Variants in FHIT observed in about 807,000 individuals in gnomAD.
The protein encoded by FHIT is fragile histidine triad diadenosine triphosphatase, also known as bis(5'-adenosyl)-triphosphatase.
Under a neutral mutation model 17.9 loss-of-function variants are expected in FHIT, and 19 were observed. The observed-to-expected ratio is 1.06, with a 90% CI of 0.74 to 1.56. The LOEUF is 1.56. FHIT is among the 40% of genes most tolerant of loss of function. The pLI is 0.00. For synonymous variants in FHIT, 81 were observed against 69.7 expected (o/e 1.16, Z -0.81); for missense variants, 248 against 189.2 (o/e 1.31, Z -1.82).
intron 5 of FHIT, among the ~76,000 whole-genome samples, chr3:60,480,911 C>T (rs1212526955): frequency 6.6e-6 from 1 of 152,236 alleles, no homozygotes; most frequent in Non-Finnish European, 1.5e-5. Flanking sequence ...TGGCCCTCTT[C>T]TCACAGCTCC....
chr3:59,982,274 AGAAG>A (rs1559519079), intron 7 of FHIT, among the ~76,000 whole-genome samples: 21 of 152,286 alleles, frequency 1.4e-4, no homozygotes, highest in African/African-American at 5.1e-4. Flanking sequence ...AAGTGGAAAA[AGAAG>A]GTATGAAAAT....
intron 5 of FHIT, among the ~76,000 whole-genome samples, chr3:60,495,679 A>G (rs1327386827): frequency 6.6e-6 from 1 of 152,190 alleles, no homozygotes; most frequent in African/African-American, 2.4e-5. Context: ...ATTCAATGCC[A>G]TTCCTTTAAA....
At chr3:60,924,685 G>T (rs530310605) in intron 3 of FHIT, among the ~76,000 whole-genome samples, 1 of 152,308 alleles carries the variant, frequency 6.6e-6, no homozygotes, top group South Asian at 2.1e-4. Flanking sequence ...CTCCTCACAA[G>T]CAACGGAACA....
At chr3:60,394,528 C>T (rs899304586) in intron 5 of FHIT, among the ~76,000 whole-genome samples, 9 of 152,102 alleles carry the variant, frequency 5.9e-5, no homozygotes, top group African/African-American at 1.9e-4. Flanking sequence ...GATGAAGCGG[C>T]AGTGGAGAGC....
chr3:61,244,489 C>A (rs931119211), intron 1 of FHIT, among the ~76,000 whole-genome samples: 3 of 152,116 alleles, frequency 2.0e-5, no homozygotes, highest in African/African-American at 7.2e-5. Flanking sequence ...GGGTTCAGGA[C>A]ATACTACCCT....
rs1491311135 is a variant in FHIT, at chr3:61,239,761, C to CTATATATA, written c.-213+11539_-213+11540insTATATATA. Among the ~76,000 whole-genome samples the CTATATATA allele has an allele frequency of 2.2e-3, 139 of 63,162 alleles. 5 individuals are homozygous for CTATATATA. In the East Asian group the frequency reaches 0.029, roughly 13 times the overall value. 41.4% of individuals were successfully genotyped at this position (63,162 alleles called of 152,430 possible). On this transcript the variant is annotated intron_variant, in intron 1 of 9. Transcript: ENST00000492590. The stretch of plus-strand genomic sequence containing the variant: ...TAAAACTGCAAAGAAAAACAACTGG[C>CTATATATA]CATATATATATATATATATATATAC...
intron 5 of FHIT, among the ~76,000 whole-genome samples, chr3:60,176,692 C>T (rs1701688697): frequency 1.3e-5 from 2 of 152,076 alleles, no homozygotes; most frequent in South Asian, 4.1e-4. Context: ...GAGAGTCAGG[C>T]CTTCCTAGGA....
chr3:60,168,246 G>C (rs1436353394), intron 5 of FHIT, among the ~76,000 whole-genome samples: 1 of 152,174 alleles, frequency 6.6e-6, no homozygotes, highest in African/African-American at 2.4e-5. Flanking sequence ...CATCCCTCCA[G>C]AGAGATATCT....
At chr3:59,839,948 T>C (rs1701470790) in intron 8 of FHIT, among the ~76,000 whole-genome samples, 1 of 152,224 alleles carries the variant, frequency 6.6e-6, no homozygotes, top group Admixed American at 6.5e-5. Context: ...CTCTTAAAGA[T>C]GACTTCTTTT....
chr3:60,108,634 C>A (rs973791968), intron 5 of FHIT, among the ~76,000 whole-genome samples: 28 of 151,212 alleles, frequency 1.9e-4, no homozygotes, highest in African/African-American at 6.8e-4. Flanking sequence ...CTTAGCATTT[C>A]TTGGCCTTTA....
intron 7 of FHIT, among the ~76,000 whole-genome samples, chr3:59,947,647 TG>T (rs577943037): frequency 1.1e-3 from 168 of 152,138 alleles, no homozygotes; most frequent in African/African-American, 3.8e-3. Context: ...GCTGCAACCC[TG>T]GGGGGGCTGG....
At chr3:60,706,078 A>G (rs2041364575) in intron 4 of FHIT, among the ~76,000 whole-genome samples, 1 of 152,140 alleles carries the variant, frequency 6.6e-6, no homozygotes, top group South Asian at 2.1e-4. Context: ...TATCATAATT[A>G]TAATAAGAGA....
chr3:61,006,192 A>G (rs1030221472), intron 3 of FHIT, among the ~76,000 whole-genome samples: 2 of 152,234 alleles, frequency 1.3e-5, no homozygotes, highest in Non-Finnish European at 2.9e-5. Context: ...GGTTAATGGT[A>G]TAATTTCAAT....
chr3:60,526,330 C>A (rs949100732), intron 5 of FHIT, among the ~76,000 whole-genome samples: 1 of 152,066 alleles, frequency 6.6e-6, no homozygotes, highest in Non-Finnish European at 1.5e-5. Flanking sequence ...AAAGGACAGC[C>A]ATGTCTCCCT....
chr3:59,939,975 A>G (rs1039929904), intron 7 of FHIT, among the ~76,000 whole-genome samples: 1 of 152,154 alleles, frequency 6.6e-6, no homozygotes, highest in African/African-American at 2.4e-5. Flanking sequence ...AGTGACATGG[A>G]AGGTTCAGGT....
intron 5 of FHIT, among the ~76,000 whole-genome samples, chr3:60,059,051 T>C (rs1203817540): frequency 3.3e-5 from 5 of 152,132 alleles, no homozygotes. Flanking sequence ...TCAGGCGTGA[T>C]GGGGCAGGAG....
chr3:59,840,393 T>TAAAA (rs5849304), intron 8 of FHIT, among the ~76,000 whole-genome samples: 64 of 139,706 alleles, frequency 4.6e-4, no homozygotes, highest in Admixed American at 7.2e-4. Flanking sequence ...TATCCCCCTT[T>TAAAA]AAAAAAAAAA....
At position 60,267,132 on chromosome 3, in the gene FHIT, G is replaced by A. The variant is rs1435427846; in HGVS notation, c.104-252980C>T. Among the ~76,000 whole-genome samples the A allele has an allele frequency of 2.6e-5, 4 of 151,988 alleles. No homozygotes were observed. The East Asian group carries it at 7.7e-4, about 29-fold the overall frequency. On this transcript the variant is annotated intron_variant, in intron 5 of 9. Coordinates refer to ENST00000492590, the MANE Select transcript of FHIT (RefSeq NM_002012.4). ...ATTAGTTATGTTCTCTGCTTCCATA[G>A]TGCAAAATCAATAGAAAGAGCTTGA... is the stretch of plus-strand genomic sequence containing the variant.
intron 4 of FHIT, among the ~76,000 whole-genome samples, chr3:60,546,397 T>C (rs1246863883): frequency 1.3e-5 from 2 of 152,200 alleles, no homozygotes; most frequent in Admixed American, 6.5e-5. Context: ...AGGATCTTTA[T>C]CCTTAGTATA....
Sources: allele counts gnomAD v4.1 joint callset (sites outside exome capture counted in the v4.1 genomes callset), GRCh38; gene constraint gnomAD v4.1.1; transcripts MANE v1.5; gene names NCBI Gene and HGNC (gene_info 2026-07-23, HGNC 2026-07-21).